The following OPCML variants were observed in gnomAD, a reference collection of about 807,000 sequenced individuals.
OPCML encodes the protein opioid-binding protein/cell adhesion molecule.
Under a neutral mutation model 37.8 loss-of-function variants are expected in OPCML, and 13 were observed. The ratio of observed to expected loss-of-function variants is 0.34; its 90% CI spans 0.22 to 0.55. OPCML has a LOEUF of 0.55. Among genes scored for constraint, OPCML ranks in the 20% least tolerant of loss-of-function variants. The pLI, the probability that OPCML is intolerant of heterozygous loss-of-function variation, is 0.91. For missense variants in OPCML, 341 were observed against 435.6 expected (o/e 0.78, Z 1.93); for synonymous variants, 176 against 168.8 (o/e 1.04, Z -0.33).
chr11:132,791,673 A>G (rs533412451), intron 2 of OPCML, among the ~76,000 whole-genome samples: 3 of 152,236 alleles, frequency 2.0e-5, no homozygotes, highest in Non-Finnish European at 4.4e-5. Context: ...ATGCTTACCT[A>G]CTGTGCATGC....
intron 1 of OPCML, among the ~76,000 whole-genome samples, chr11:132,953,634 C>T (rs1351763684): frequency 6.6e-6 from 1 of 152,182 alleles, no homozygotes; most frequent in African/African-American, 2.4e-5. Flanking sequence ...TTACCCCTCC[C>T]TGGTCTCACT....
chr11:133,215,811 C>T (rs1046322556), intron 1 of OPCML, among the ~76,000 whole-genome samples: 6 of 152,188 alleles, frequency 3.9e-5, no homozygotes, highest in East Asian at 1.9e-4. Context: ...CGAGCAGACC[C>T]GCTGTTCTGG....
chr11:132,567,692 T>A (rs1199886071), intron 3 of OPCML, among the ~76,000 whole-genome samples: 1 of 152,142 alleles, frequency 6.6e-6, no homozygotes, highest in Non-Finnish European at 1.5e-5. Flanking sequence ...GGAGAGAGAA[T>A]TGGGTAATGT....
chr11:132,605,918 G>A (rs939665020), intron 3 of OPCML, among the ~76,000 whole-genome samples: 1 of 152,214 alleles, frequency 6.6e-6, no homozygotes, highest in Non-Finnish European at 1.5e-5. Flanking sequence ...CCAGTGACCA[G>A]CAGCTTCCTT....
At chr11:132,556,640 A>G (rs2096396291) in intron 3 of OPCML, among the ~76,000 whole-genome samples, 1 of 152,184 alleles carries the variant, frequency 6.6e-6, no homozygotes, top group African/African-American at 2.4e-5. Flanking sequence ...ACAGACTTGA[A>G]GTTCACAGCA....
At chr11:132,842,504 C>A (rs1017161219) in intron 2 of OPCML, among the ~76,000 whole-genome samples, 1 of 152,214 alleles carries the variant, frequency 6.6e-6, no homozygotes, top group Non-Finnish European at 1.5e-5. Context: ...CTGTTAACCT[C>A]CGGGTTAGGA....
chr11:133,125,719 G>A (rs1949496279), intron 1 of OPCML, among the ~76,000 whole-genome samples: 4 of 34,318 alleles, frequency 1.2e-4, no homozygotes, highest in Non-Finnish European at 1.3e-4. Flanking sequence ...GTATATATAT[G>A]TATATAGTAT....
intron 1 of OPCML, among the ~76,000 whole-genome samples, chr11:133,269,065 T>C (rs1036993128): frequency 6.6e-6 from 1 of 152,110 alleles, no homozygotes; most frequent in Non-Finnish European, 1.5e-5. Context: ...ATAGAGACAA[T>C]AAGATCTACA....
intron 1 of OPCML, among the ~76,000 whole-genome samples, chr11:132,980,747 A>G (rs960575588): frequency 2.6e-5 from 4 of 152,190 alleles, no homozygotes; most frequent in Admixed American, 1.3e-4. Context: ...CACAGCCTCA[A>G]AGTCCATTTG....
chr11:133,281,072 G>C (rs923637336), intron 1 of OPCML, among the ~76,000 whole-genome samples: 1 of 152,176 alleles, frequency 6.6e-6, no homozygotes, highest in African/African-American at 2.4e-5. Context: ...GGGCTGATCT[G>C]TCCTGCAGAC....
At chr11:132,831,217 G>C (rs879816837) in intron 2 of OPCML, among the ~76,000 whole-genome samples, 2 of 152,092 alleles carry the variant, frequency 1.3e-5, no homozygotes, top group African/African-American at 2.4e-5. Flanking sequence ...AATTTCAAAA[G>C]CATAAGGTTA....
At chr11:132,761,648 C>T (rs561830066) in intron 2 of OPCML, among the ~76,000 whole-genome samples, 4 of 152,114 alleles carry the variant, frequency 2.6e-5, no homozygotes, top group Admixed American at 1.3e-4. Flanking sequence ...CTGTGTTTTT[C>T]GGCTCCATCA....
intron 2 of OPCML, among the ~76,000 whole-genome samples, chr11:132,928,882 C>A (rs1453926454): frequency 6.6e-6 from 1 of 151,202 alleles, no homozygotes; most frequent in Non-Finnish European, 1.5e-5. Flanking sequence ...AATAAAAAAA[C>A]AATTTTTATA....
intron 2 of OPCML, among the ~76,000 whole-genome samples, chr11:132,923,082 AT>A (rs1944865019): frequency 8.5e-6 from 1 of 118,060 alleles, no homozygotes. Context: ...TCAGAAAAAA[AT>A]AAATAAATAA....
chr11:132,624,047 T>C (rs1302532201), intron 3 of OPCML, among the ~76,000 whole-genome samples: 1 of 152,270 alleles, frequency 6.6e-6, no homozygotes, highest in African/African-American at 2.4e-5. Context: ...TAAGTGTATC[T>C]GCAACATCTA....
chr11:132,512,451 C>G (rs1392857445), intron 4 of OPCML, among the ~76,000 whole-genome samples: 1 of 151,810 alleles, frequency 6.6e-6, no homozygotes, highest in African/African-American at 2.4e-5. Flanking sequence ...GTAGAAACAA[C>G]CAAATGTCCA....
chr11:133,350,135 T>C (rs1371304552), intron 1 of OPCML, among the ~76,000 whole-genome samples: 1 of 152,200 alleles, frequency 6.6e-6, no homozygotes, highest in African/African-American at 2.4e-5. Flanking sequence ...CAATGATGCC[T>C]CTAAAAGGGA....
At chr11:132,492,715 T>A (rs1381879208) in intron 4 of OPCML, among the ~76,000 whole-genome samples, 1 of 152,128 alleles carries the variant, frequency 6.6e-6, no homozygotes, top group Non-Finnish European at 1.5e-5. Flanking sequence ...AGCAAATCAA[T>A]AGCGTTTAAA....
chr11:132,541,736 T>C (rs973544502), intron 3 of OPCML, among the ~76,000 whole-genome samples: 2 of 152,154 alleles, frequency 1.3e-5, no homozygotes, highest in African/African-American at 4.8e-5. Context: ...GAGGCTGAGA[T>C]GTGTCTCCCA....
Sources: gnomAD v4.1 joint callset for allele counts (sites outside exome capture counted in the v4.1 genomes callset) on GRCh38, gnomAD v4.1.1 for gene constraint, MANE v1.5 for transcripts, NCBI Gene and HGNC (gene_info 2026-07-23, HGNC 2026-07-21) for gene names.